The following TOX variants were observed in gnomAD, a reference collection of about 807,000 sequenced individuals.
The protein encoded by TOX is thymocyte selection associated high mobility group box, also known as thymocyte selection-associated high mobility group box protein TOX.
A neutral mutation model predicts 53.7 loss-of-function variants in TOX; 11 were observed. The ratio of observed to expected loss-of-function variants is 0.20; its 90% CI spans 0.13 to 0.34. TOX has a LOEUF of 0.34. Ranked by LOEUF, TOX falls within the 10% of genes least tolerant of loss-of-function variation. The probability of loss-of-function intolerance (pLI) is 1.00; values close to 1 mark genes in which losing one functional copy is unlikely to be tolerated. For synonymous variants in TOX, 225 were observed against 245.3 expected, an observed-to-expected ratio of 0.92 and a Z score of 0.77; for missense variants, 570 against 664.6, an observed-to-expected ratio of 0.86 and a Z score of 1.56.
At position 59,087,504 on chromosome 8, in the gene TOX, T is replaced by C. The variant is rs146513579; in HGVS notation, c.102+31382A>G. On this transcript the variant is annotated intron_variant, in intron 1 of 8. Coordinates refer to ENST00000361421, the MANE Select transcript of TOX (RefSeq NM_014729.3). ...GACTCTGGTGTCTCCTAATAATTCA[T>C]AGGACTCCAGGTCTGTCCCCCCCTT... 5.4e-3 allele frequency among the ~76,000 whole-genome samples: 820 copies of C among 152,342 alleles called. 11 individuals carry two copies. The highest frequency in any genetic ancestry group is 0.018 in the African/African-American group (764 of 41,582).
At chr8:59,055,691 T>C (rs957604077) in intron 1 of TOX, among the ~76,000 whole-genome samples, 3 of 152,206 alleles carry the variant, frequency 2.0e-5, no homozygotes, top group Non-Finnish European at 4.4e-5. Flanking sequence ...TCAAATGTTT[T>C]GAAGAAAAAC....
chr8:59,070,305 C>T (rs1053823706), intron 1 of TOX, among the ~76,000 whole-genome samples: 1 of 152,104 alleles, frequency 6.6e-6, no homozygotes, highest in African/African-American at 2.4e-5. Flanking sequence ...CAGTGACAAA[C>T]TAGAGTTGAA....
chr8:58,949,211 AT>A (rs1410878971), intron 2 of TOX, among the ~76,000 whole-genome samples: 1 of 152,210 alleles, frequency 6.6e-6, no homozygotes, highest in Non-Finnish European at 1.5e-5. Context: ...TGTTAGCTAT[AT>A]TTTTATTATC....
chr8:59,109,594 G>A (rs1007517904), intron 1 of TOX, among the ~76,000 whole-genome samples: 1 of 152,034 alleles, frequency 6.6e-6, no homozygotes, highest in Non-Finnish European at 1.5e-5. Flanking sequence ...TAGCCATCAG[G>A]GGAGTGAGGT....
intron 2 of TOX, among the ~76,000 whole-genome samples, chr8:58,940,117 C>A (rs1221385877): frequency 6.6e-6 from 1 of 152,152 alleles, no homozygotes; most frequent in Non-Finnish European, 1.5e-5. Context: ...CCATTAAGAG[C>A]TATTTTTATC....
intron 4 of TOX, among the ~76,000 whole-genome samples, chr8:58,838,777 C>T (rs1473603305): frequency 7.0e-6 from 1 of 142,776 alleles, no homozygotes; most frequent in African/African-American, 2.7e-5. Context: ...TCTCAGCTCA[C>T]TGCAACCTCT....
intron 3 of TOX, among the ~76,000 whole-genome samples, chr8:58,853,086 C>CTG (rs1810852788): frequency 6.6e-6 from 1 of 152,094 alleles, no homozygotes; most frequent in African/African-American, 2.4e-5. Flanking sequence ...GTCCACAGCC[C>CTG]CCATGTGTGC....
chr8:58,970,058 A>G (rs907134935), intron 1 of TOX, among the ~76,000 whole-genome samples: 1 of 152,182 alleles, frequency 6.6e-6, no homozygotes, highest in South Asian at 2.1e-4. Flanking sequence ...CTAGATAAAA[A>G]ATGTGATATC....
At chr8:58,904,978 C>T (rs1231265213) in intron 3 of TOX, among the ~76,000 whole-genome samples, 7 of 152,278 alleles carry the variant, frequency 4.6e-5, no homozygotes, top group South Asian at 4.1e-4. Flanking sequence ...TAGAATGGCA[C>T]GATCTGTAGA....
chr8:58,986,429 C>G (rs1016974845), intron 1 of TOX, among the ~76,000 whole-genome samples: 3 of 152,172 alleles, frequency 2.0e-5, no homozygotes, highest in African/African-American at 7.2e-5. Context: ...TCATGCAGTT[C>G]AAAGTAACTC....
intron 3 of TOX, among the ~76,000 whole-genome samples, chr8:58,932,377 CA>C (rs1812270666): frequency 6.6e-6 from 1 of 151,622 alleles, no homozygotes; most frequent in Non-Finnish European, 1.5e-5. Flanking sequence ...GTTAAAGTGG[CA>C]AAATTATTTT....
intron 3 of TOX, among the ~76,000 whole-genome samples, chr8:58,866,624 C>T (rs1362823004): frequency 6.6e-6 from 1 of 152,064 alleles, no homozygotes; most frequent in Non-Finnish European, 1.5e-5. Flanking sequence ...GGCAGAATGG[C>T]CATTTAGAAT....
At chr8:58,834,029 C>T (rs1449242008) in intron 5 of TOX, among the ~76,000 whole-genome samples, 1 of 152,210 alleles carries the variant, frequency 6.6e-6, no homozygotes, top group Non-Finnish European at 1.5e-5. Context: ...TCTGCAGTGG[C>T]TTCTTACTCC....
chr8:59,003,335 A>C (rs1385820324), intron 1 of TOX, among the ~76,000 whole-genome samples: 1 of 152,220 alleles, frequency 6.6e-6, no homozygotes. Context: ...ATTCAAGAAA[A>C]TATTGTGTTA....
At chr8:58,988,234 C>T (rs978882699) in intron 1 of TOX, among the ~76,000 whole-genome samples, 5 of 152,130 alleles carry the variant, frequency 3.3e-5, no homozygotes, top group South Asian at 2.1e-4. Context: ...GCACAGATTT[C>T]GGCAGATAAA....
intron 5 of TOX, among the ~76,000 whole-genome samples, chr8:58,833,159 C>A (rs148147195): frequency 6.6e-6 from 1 of 152,296 alleles, no homozygotes; most frequent in East Asian, 1.9e-4. Context: ...AGCTTTAAAG[C>A]CATTTAATGT....
intron 3 of TOX, among the ~76,000 whole-genome samples, chr8:58,852,035 T>C (rs1286045647): frequency 6.6e-6 from 1 of 152,026 alleles, no homozygotes; most frequent in Non-Finnish European, 1.5e-5. Context: ...CCAGTTAGCA[T>C]CATACTTCAT....
At chr8:58,953,188 G>A (rs999831609) in intron 2 of TOX, among the ~76,000 whole-genome samples, 3 of 152,072 alleles carry the variant, frequency 2.0e-5, no homozygotes, top group Non-Finnish European at 4.4e-5. Context: ...CAACATCAAT[G>A]TGGTTGGCCA....
intron 7 of TOX, among the ~76,000 whole-genome samples, chr8:58,809,473 TTTC>T (rs1810041707): frequency 6.6e-6 from 1 of 152,218 alleles, no homozygotes; most frequent in Non-Finnish European, 1.5e-5. Flanking sequence ...ATTAAGTTTA[TTTC>T]CTATTCAAAT....
Sources: gnomAD v4.1 joint callset for allele counts (sites outside exome capture counted in the v4.1 genomes callset) on GRCh38, gnomAD v4.1.1 for gene constraint, MANE v1.5 for transcripts, NCBI Gene and HGNC (gene_info 2026-07-23, HGNC 2026-07-21) for gene names.